The following COL24A1 variants were observed in gnomAD, a reference collection of about 807,000 sequenced individuals.
The protein encoded by COL24A1 is collagen alpha-1(XXIV) chain.
COL24A1 carries 224 observed loss-of-function variants against 253.9 expected under a neutral mutation model. The observed-to-expected ratio is 0.88, with a 90% CI of 0.79 to 0.99. The LOEUF (loss-of-function observed/expected upper bound fraction) is 0.99. COL24A1 is among the 50% of genes least tolerant of loss of function. The probability of loss-of-function intolerance (pLI) is 0.00; values close to 1 mark genes in which losing one functional copy is unlikely to be tolerated. For synonymous variants in COL24A1, 685 were observed against 673.7 expected (o/e 1.02, Z -0.26); for missense variants, 2,131 against 2,068.5 (o/e 1.03, Z -0.59).
chr1:86,151,116 T>C (rs1652708472), intron 1 of COL24A1, among the ~76,000 whole-genome samples: 1 of 151,928 alleles, frequency 6.6e-6, no homozygotes, highest in African/African-American at 2.4e-5. Flanking sequence ...TGTATACACA[T>C]ACATATATAT....
chr1:86,147,053 T>C (rs1038467790), intron 1 of COL24A1, among the ~76,000 whole-genome samples: 1 of 152,176 alleles, frequency 6.6e-6, no homozygotes, highest in Non-Finnish European at 1.5e-5. Flanking sequence ...TTTTTGATTC[T>C]AACCCAGGGA....
At chr1:85,818,158 AC>A (rs1399918646) in intron 45 of COL24A1, 71 bp from the exon 46 acceptor site, 2 of 1,225,114 alleles carry the variant, frequency 1.6e-6, no homozygotes, top group Non-Finnish European at 2.4e-6. Context: ...AGAAAAGGAC[AC>A]TGAGACCTGG....
In COL24A1 at chr1:85,734,837, C is replaced by G. The variant is rs764214382; in HGVS notation, c.4910G>C (p.Gly1637Ala). Residue 1637 changes from glycine to alanine, a missense_variant, in exon 59 of 60, where the codon GGA becomes GCA. By Grantham distance (60) the Gly-to-Ala change is moderately conservative. Coordinates refer to ENST00000370571, the MANE Select transcript of COL24A1 (RefSeq NM_152890.7). ...CCATCCCTTGAAACCAATAGGCAAT[C>G]CTGGGCCACTTGTTTGTGTGCTTGT... ...RWTSTQTSGP[G>A]LPIGFKGWNG... 3.7e-6 allele frequency: 6 copies of G among 1,614,046 alleles called. No individual in the cohort carries two copies. Among genetic ancestry groups the G allele is most frequent in the Non-Finnish European group, 5.1e-6 (6 of 1,180,036 alleles).
intron 53 of COL24A1, among the ~76,000 whole-genome samples, chr1:85,762,795 A>G (rs1038231110): frequency 1.3e-5 from 2 of 152,206 alleles, no homozygotes; most frequent in African/African-American, 4.8e-5. Context: ...GGAAAATATC[A>G]CTGATGGTTC....
rs1328892459 is a variant in COL24A1 at position 85,838,296 on chromosome 1, G to A, written c.3681+289C>T. Among the ~76,000 whole-genome samples, 7 of 152,194 alleles carry A rather than the reference G, an allele frequency of 4.6e-5. No homozygotes were observed. In the East Asian group the frequency reaches 5.8e-4, roughly 13 times the overall value. On this transcript the variant is annotated intron_variant, in intron 43 of 59. Transcript: ENST00000370571. The stretch of plus-strand genomic sequence containing the variant: ...AGCATAAAATGTCATGAAGGAAATC[G>A]AGTAATATGGTCCAGAGTGATTGTT...
At chr1:86,016,324 C>T (rs1696987535) in intron 19 of COL24A1, among the ~76,000 whole-genome samples, 1 of 152,206 alleles carries the variant, frequency 6.6e-6, no homozygotes. Context: ...AGCATCAGTA[C>T]AGCAGTAGTC....
Position 86,007,107 on chromosome 1 carries a change from C to A in COL24A1, c.2310+10044G>T, listed in dbSNP as rs558131999. On this transcript the variant is annotated intron_variant, in intron 19 of 59. Coordinates refer to ENST00000370571, the MANE Select transcript of COL24A1 (RefSeq NM_152890.7). ...GCACATGGCTGTGGTCCTCCCTACT[C>A]AGGCGGCTGAGGTGGGAGGATCACT... Among the ~76,000 whole-genome samples the A allele has an allele frequency of 4.6e-5, 7 of 152,140 alleles. No individual in the cohort carries two copies. In the East Asian group the frequency reaches 1.4e-3, roughly 29 times the overall value.
chr1:86,153,593 T>C (rs1209360816), intron 1 of COL24A1, among the ~76,000 whole-genome samples: 1 of 152,220 alleles, frequency 6.6e-6, no homozygotes, highest in Non-Finnish European at 1.5e-5. Flanking sequence ...TTTACTTTTA[T>C]TCTGCCGTTC....
At chr1:86,059,426 T>C (rs752223303) in intron 8 of COL24A1, among the ~76,000 whole-genome samples, 5 of 152,134 alleles carry the variant, frequency 3.3e-5, no homozygotes, top group African/African-American at 9.7e-5. Flanking sequence ...GAAAAATCCA[T>C]ACTAAAACAG....
intron 5 of COL24A1, among the ~76,000 whole-genome samples, chr1:86,108,221 A>ATAATTTGATACG (rs1705185887): frequency 6.6e-6 from 1 of 152,196 alleles, no homozygotes; most frequent in Admixed American, 6.5e-5. Flanking sequence ...CATGTGATAA[A>ATAATTTGATACG]TAATTTGATA....
chr1:85,842,298 A>G (rs1676699170), intron 40 of COL24A1, 42 bp downstream of exon 40: 4 of 1,439,896 alleles, frequency 2.8e-6, no homozygotes, highest in Non-Finnish European at 2.9e-6. Flanking sequence ...TTTAATAAAA[A>G]TGTTTTCATG....
At chr1:85,873,065 C>T (rs1195741007) in intron 35 of COL24A1, among the ~76,000 whole-genome samples, 2 of 152,092 alleles carry the variant, frequency 1.3e-5, no homozygotes, top group Non-Finnish European at 2.9e-5. Flanking sequence ...ATTTATGCAG[C>T]CAACAGACAC....
At chr1:85,779,655 C>G (rs995918552) in intron 52 of COL24A1, among the ~76,000 whole-genome samples, 1 of 152,124 alleles carries the variant, frequency 6.6e-6, no homozygotes, top group African/African-American at 2.4e-5. Flanking sequence ...AAACCTTCCT[C>G]AATTATATGC....
intron 1 of COL24A1, chr1:86,156,027 G>T: frequency 7.4e-6 from 2 of 270,972 alleles, no homozygotes; most frequent in Non-Finnish European, 1.4e-5. Context: ...CAGAGAGATC[G>T]TCGGAGCCCA....
In COL24A1 at chr1:85,889,543, T is replaced by C. The variant is rs752016089; in HGVS notation, c.2976+17A>G. On this transcript the variant is annotated intron_variant, in intron 32 of 59. Coordinates refer to ENST00000370571, the MANE Select transcript of COL24A1 (RefSeq NM_152890.7). ...TATGAGAAAGACACAATTAGAAAAG[T>C]ATAAAGATAAACTTACTGGCTCTCC... 5.0e-6 allele frequency: 8 copies of C among 1,603,550 alleles called. No individual in the cohort carries two copies. Among genetic ancestry groups the C allele is most frequent in the Non-Finnish European group, 6.0e-6 (7 of 1,170,954 alleles).
intron 7 of COL24A1, among the ~76,000 whole-genome samples, chr1:86,072,600 G>T (rs1254369763): frequency 6.6e-6 from 1 of 152,174 alleles, no homozygotes; most frequent in East Asian, 1.9e-4. Flanking sequence ...TCAGAAGAGA[G>T]CAACGGATCT....
intron 47 of COL24A1, among the ~76,000 whole-genome samples, chr1:85,815,241 T>C (rs1672938424): frequency 6.6e-6 from 1 of 152,336 alleles, no homozygotes; most frequent in African/African-American, 2.4e-5. Context: ...TCAAAGGGTT[T>C]TACTGTTGTA....
intron 4 of COL24A1, among the ~76,000 whole-genome samples, chr1:86,114,482 T>C (rs1439757866): frequency 6.6e-6 from 1 of 152,076 alleles, no homozygotes; most frequent in Non-Finnish European, 1.5e-5. Context: ...GAATGGTTCA[T>C]GGGCTAGAGG....
chr1:85,783,298 G>A (rs1669324952), intron 51 of COL24A1, among the ~76,000 whole-genome samples, 198 bp downstream of exon 51: 2 of 151,822 alleles, frequency 1.3e-5, no homozygotes, highest in South Asian at 2.1e-4. Flanking sequence ...TAGGAAGTAC[G>A]GGTGGTCTAT....
Sources: gnomAD v4.1 joint callset for allele counts (sites outside exome capture counted in the v4.1 genomes callset) on GRCh38, gnomAD v4.1.1 for gene constraint, MANE v1.5 for transcripts, NCBI Gene and HGNC (gene_info 2026-07-23, HGNC 2026-07-21) for gene names.